SYNE1: variants seen among roughly 807,000 people sequenced by gnomAD.
The protein encoded by SYNE1 is nesprin-1.
In SYNE1, 616 loss-of-function variants were observed where a neutral mutation model predicts 1,111.0. That is an observed-to-expected ratio of 0.55 (90% confidence interval 0.52 to 0.59). The LOEUF is 0.59. Ranked by LOEUF, SYNE1 falls within the 20% of genes least tolerant of loss-of-function variation. SYNE1 has a pLI of 0.00. For missense variants in SYNE1, 10,006 were observed against 10,417.0 expected, an observed-to-expected ratio of 0.96 and a Z score of 1.72; for synonymous variants, 3,855 against 3,825.8, an observed-to-expected ratio of 1.01 and a Z score of -0.28.
intron 52 of SYNE1, among the ~76,000 whole-genome samples, 187 bp downstream of exon 52, chr6:152,391,090 A>G (rs930818463): frequency 2.6e-5 from 4 of 152,224 alleles, no homozygotes; most frequent in African/African-American, 9.6e-5. Flanking sequence ...AGCTATTAAA[A>G]TAACATTTTC....
intron 53 of SYNE1, among the ~76,000 whole-genome samples, chr6:152,389,117 C>A (rs752324395): frequency 1.3e-5 from 2 of 152,130 alleles, no homozygotes; most frequent in Non-Finnish European, 2.9e-5. Context: ...TAGTTGTAAC[C>A]AGGGATTTTT....
intron 44 of SYNE1, among the ~76,000 whole-genome samples, chr6:152,408,502 T>A (rs574164248): frequency 3.3e-5 from 5 of 152,170 alleles, no homozygotes; most frequent in Non-Finnish European, 7.3e-5. Flanking sequence ...AGAAAAACAT[T>A]CAGAGTTATA....
At chr6:152,553,259 C>A (rs950127852) in intron 3 of SYNE1, among the ~76,000 whole-genome samples, 3 of 152,188 alleles carry the variant, frequency 2.0e-5, no homozygotes, top group African/African-American at 7.2e-5. Context: ...TCAATCACTT[C>A]ATTCTACTCT....
At chr6:152,479,640 A>C (rs1369545133) in intron 14 of SYNE1, among the ~76,000 whole-genome samples, 7 of 152,184 alleles carry the variant, frequency 4.6e-5, no homozygotes, top group African/African-American at 1.7e-4. Flanking sequence ...TGTTTGGTAA[A>C]AATCAAATAC....
chr6:152,171,167 C>A (rs2065113931), intron 130 of SYNE1, among the ~76,000 whole-genome samples: 1 of 152,218 alleles, frequency 6.6e-6, no homozygotes, highest in South Asian at 2.1e-4. Flanking sequence ...CAGTGGTAAA[C>A]CACTAATCAT....
At chr6:152,414,149 A>G (rs1447288630) in intron 41 of SYNE1, among the ~76,000 whole-genome samples, 1 of 152,128 alleles carries the variant, frequency 6.6e-6, no homozygotes, top group African/African-American at 2.4e-5. Flanking sequence ...CATGCCCATA[A>G]TCTCAGCATT....
In SYNE1 at chr6:152,129,541, C is replaced by T. The variant is rs776881833; in HGVS notation, c.26153+1179G>A. On this transcript the variant is annotated intron_variant, in intron 145 of 145. Coordinates refer to ENST00000367255, the MANE Select transcript of SYNE1 (RefSeq NM_182961.4). ...AGTTTTTCTCCATACTTTATTATTG[C>T]TATTTTGTTTAGGCTAGAAAAAAAA... 2.9e-5 allele frequency: 4 copies of T among 137,910 alleles called. No homozygotes were observed. The Admixed American group carries it at 3.0e-4, about 10-fold the overall frequency. 8.5% of individuals were successfully genotyped at this position (137,910 alleles called of 1,614,324 possible).
intron 8 of SYNE1, 78 bp from the exon 9 acceptor site, chr6:152,505,475 C>T (rs1311468497): frequency 4.0e-6 from 6 of 1,495,988 alleles, no homozygotes; most frequent in Admixed American, 1.7e-5. Context: ...CATGCAAAAT[C>T]CAGTGCTTTT....
chr6:152,434,874 A>G (rs1338382140), intron 33 of SYNE1: 2 of 152,156 alleles, frequency 1.3e-5, no homozygotes, highest in Admixed American at 6.5e-5. Flanking sequence ...GCAGTCTCAA[A>G]TTTATACCCT....
In SYNE1 at chr6:152,133,418, A is replaced by T; in HGVS notation, c.25859T>A (p.Leu8620Gln). ...ACAGTCTGTTCCTTCAGCATTCACC[A>T]GTAGTTGGCAAGACATGTCTTGCAA... ...ASLQDMSCQL[L>Q]VNAEGTDCLE... Residue 8620 changes from leucine to glutamine, a missense_variant, in exon 143 of 146, where the codon CTG (leucine) becomes CAG (glutamine). Physicochemically the swap from Leu to Gln is moderately radical, Grantham distance 113 (BLOSUM62 -2). Transcript: ENST00000367255. The T allele has an allele frequency of 6.2e-7, 1 of 1,614,182 alleles. No individual in the cohort carries two copies. The highest frequency in any genetic ancestry group is 8.5e-7 in the Non-Finnish European group (1 of 1,180,016).
chr6:152,368,968 T>C lies in SYNE1; in HGVS notation c.9807+4A>G, dbSNP rs2097132181. On this transcript the variant is annotated splice_donor_region_variant and intron_variant, in intron 61 of 145. Coordinates refer to ENST00000367255, the MANE Select transcript of SYNE1 (RefSeq NM_182961.4). ...ACTCACACACAGCACGTGCCAGGCG[T>C]TACCTTTGTTAAATTGCTTAGCGCT... The C allele has an allele frequency of 1.9e-6, 3 of 1,613,996 alleles. No individual in the cohort carries two copies. The highest frequency in any genetic ancestry group is 1.7e-5 in the Admixed American group (1 of 59,998).
chr6:152,538,636 A>G (rs192287303), intron 4 of SYNE1, among the ~76,000 whole-genome samples: 1 of 152,020 alleles, frequency 6.6e-6, no homozygotes, highest in East Asian at 1.9e-4. Flanking sequence ...TTGAAAAAAA[A>G]AAACAAAACC....
At position 152,311,714 on chromosome 6, in the gene SYNE1, G is replaced by A. The variant is rs114963026; in HGVS notation, c.16711-841C>T. Among the ~76,000 whole-genome samples, 411 of 152,326 alleles carry A rather than the reference G, an allele frequency of 2.7e-3. 1 individual carries two copies. The highest frequency in any genetic ancestry group is 9.0e-3 in the African/African-American group (374 of 41,576). On this transcript the variant is annotated intron_variant, in intron 87 of 145. Coordinates refer to ENST00000367255, the MANE Select transcript of SYNE1 (RefSeq NM_182961.4). ...GTGAATCTAGAACACACAGTTAGTG[G>A]GGTGTGTAATGTGTAAAGAGGAGAA...
rs1391964788 is a variant in SYNE1, at chr6:152,376,520, T to C, written c.9185A>G (p.Glu3062Gly). The C allele has an allele frequency of 1.2e-6, 2 of 1,614,130 alleles. No homozygotes were observed. Among genetic ancestry groups the C allele is most frequent in the East Asian group, 2.2e-5 (1 of 44,876 alleles). ...LQASKGCQNK[E>G]QILQQRFRKA... ...TCGAAATCTTTGCTGTAAAATCTGT[T>C]CTTTATTCTGGCAGCCCTTGGATGC... is the stretch of plus-strand genomic sequence containing the variant. Residue 3062 changes from glutamate to glycine, a missense_variant, in exon 58 of 146, where the codon GAA becomes GGA. Physicochemically the swap from Glu to Gly is moderately conservative, Grantham distance 98. Coordinates refer to ENST00000367255, the MANE Select transcript of SYNE1 (RefSeq NM_182961.4).
intron 25 of SYNE1, among the ~76,000 whole-genome samples, chr6:152,452,319 GTA>G (rs535817825): frequency 0.011 from 1,740 of 152,190 alleles, 19 homozygotes; most frequent in Non-Finnish European, 0.017. Flanking sequence ...GTGTGTGTGT[GTA>G]ATAAAATACA....
rs760987479 is a variant in SYNE1, at chr6:152,149,481, A to C, written c.24638T>G (p.Leu8213Arg). Reference sequence around the variant, plus strand: ...AAGAAAATCAATGTTACATACAGGCAGGCGGATCAGTTTCTTATGGTATCT... The same window carrying C: ...AAGAAAATCAATGTTACATACAGGCCGGCGGATCAGTTTCTTATGGTATCT... ...VERYHKKLIRLPLPDDEHDLS... is the reference protein window; with the variant it reads ...VERYHKKLIRRPLPDDEHDLS... Residue 8213 changes from leucine to arginine, a missense_variant, in exon 136 of 146, where the codon CTG becomes CGG. By Grantham distance (102) the Leu-to-Arg change is moderately radical. This residue lies in a region of SYNE1 where 761 missense variants were observed against 795.5 expected (regional missense o/e 0.96). Transcript: ENST00000367255. 1 of 1,614,218 alleles carries C rather than the reference A, an allele frequency of 6.2e-7. No individual in the cohort carries two copies. Among genetic ancestry groups the C allele is most frequent in the Non-Finnish European group, 8.5e-7 (1 of 1,180,042 alleles).
intron 66 of SYNE1, among the ~76,000 whole-genome samples, chr6:152,357,328 A>G (rs1373250972): frequency 6.6e-6 from 1 of 152,170 alleles, no homozygotes; most frequent in Non-Finnish European, 1.5e-5. Flanking sequence ...GAACTAGTAG[A>G]AAAAGCCAGA....
At position 152,254,792 on chromosome 6, in the gene SYNE1, A is replaced by AC. The variant is rs1358503614; in HGVS notation, c.19470+87dup. 19 of 1,211,246 alleles carry AC rather than the reference A, an allele frequency of 1.6e-5. No homozygotes were observed. In the Admixed American group the frequency reaches 3.7e-4, roughly 24 times the overall value. The allele number at this position is 1,211,246 out of a possible 1,614,324, so 75.0% of individuals were successfully genotyped here. A position where few individuals can be genotyped will look rare whatever the true frequency, so the allele number is the denominator to read the frequency against. On this transcript the variant is annotated intron_variant, in intron 104 of 145. Transcript: ENST00000367255. The stretch of plus-strand genomic sequence containing the variant: ...TCTTCATTACGCATTTAGAAAAACA[A>AC]CAACCAGGTCTGTAACACAGACTCG...
chr6:152,199,200 G>T (rs4142053), intron 127 of SYNE1, among the ~76,000 whole-genome samples: 22,201 of 151,762 alleles, frequency 0.15, 1,859 homozygotes, highest in East Asian at 0.22. Flanking sequence ...TTCCTAAATT[G>T]AAGTTTAATC....
Sources: allele counts gnomAD v4.1 joint callset (sites outside exome capture counted in the v4.1 genomes callset), GRCh38; gene constraint gnomAD v4.1.1; regional missense constraint gnomAD v4.1.1; transcripts MANE v1.5; gene names NCBI Gene and HGNC (gene_info 2026-07-23, HGNC 2026-07-21).